SLC37A1: variants seen among roughly 807,000 people sequenced by gnomAD.
SLC37A1 encodes glucose-6-phosphate exchanger SLC37A1.
Under a neutral mutation model 75.3 loss-of-function variants are expected in SLC37A1, and 49 were observed. The observed-to-expected ratio is 0.65, with a 90% CI of 0.52 to 0.83. The LOEUF is 0.83. Ranked by LOEUF, SLC37A1 falls within the 40% of genes least tolerant of loss-of-function variation. The probability of loss-of-function intolerance (pLI) is 0.00; values close to 1 mark genes in which losing one functional copy is unlikely to be tolerated. For synonymous variants in SLC37A1, 268 were observed against 292.1 expected (o/e 0.92, Z 0.84); for missense variants, 566 against 695.0 (o/e 0.81, Z 2.09).
chr21:42,539,232 C>G (rs1165165111), intron 5 of SLC37A1, among the ~76,000 whole-genome samples: 1 of 152,202 alleles, frequency 6.6e-6, no homozygotes, highest in Non-Finnish European at 1.5e-5. Context: ...CTTTCATTGG[C>G]AGCTATCATA....
Position 42,568,443 on chromosome 21 carries a change from G to T in SLC37A1, c.1423+5G>T. 6.2e-7 allele frequency: 1 copy of T among 1,613,248 alleles called. No homozygotes were observed. Among genetic ancestry groups the T allele is most frequent in the Non-Finnish European group, 8.5e-7 (1 of 1,179,544 alleles). On this transcript the variant is annotated splice_donor_5th_base_variant and intron_variant, in intron 17 of 19. Transcript: ENST00000352133. ...TTGACGGGACGGGCTCTGTAGGTGC[G>T]CAGAGAGTTTTAGCTCTGGGAGGTT...
At position 42,543,467 on chromosome 21, in the gene SLC37A1, C is replaced by CA. The variant is rs758315999; in HGVS notation, c.596dup (p.His199GlnfsTer45). The CA allele has an allele frequency of 3.7e-6, 6 of 1,614,180 alleles. No individual in the cohort carries two copies. The highest frequency in any genetic ancestry group is 4.2e-6 in the Non-Finnish European group (5 of 1,180,030). On this transcript the variant is annotated frameshift_variant, in exon 8 of 20. Coordinates refer to ENST00000352133, the MANE Select transcript of SLC37A1 (RefSeq NM_001320537.2). LOFTEE classifies it high-confidence loss of function. ...TTTGATTATGGGGGTCTGGAACTCC[C>CA]ACACCTCCGTGGGCAACATCTTGGG...
chr21:42,555,613 T>C (rs2055669253), intron 10 of SLC37A1, among the ~76,000 whole-genome samples: 1 of 149,726 alleles, frequency 6.7e-6, no homozygotes, highest in Non-Finnish European at 1.5e-5. Flanking sequence ...TGTCCCAGTG[T>C]CCAAAAGGCT....
At chr21:42,510,560 A>T (rs2054423800), upstream of SLC37A1, among the ~76,000 whole-genome samples, 1 of 152,186 alleles carries the variant, frequency 6.6e-6, no homozygotes, top group Admixed American at 6.5e-5. Context: ...AAATTCTGCA[A>T]TCAAAAGATA....
chr21:42,520,209 A>G (rs1040075456), intron 2 of SLC37A1, among the ~76,000 whole-genome samples: 2 of 152,236 alleles, frequency 1.3e-5, no homozygotes, highest in African/African-American at 2.4e-5. Flanking sequence ...TCAAATGTCA[A>G]ATATCTGTGA....
Position 42,530,481 on chromosome 21 carries a change from G to C in SLC37A1, c.139-4217G>C, listed in dbSNP as rs370704411. On this transcript the variant is annotated intron_variant, in intron 3 of 19. Coordinates refer to ENST00000352133, the MANE Select transcript of SLC37A1 (RefSeq NM_001320537.2). ...TCTTCCAGGACTTAGATAATGCTTT[G>C]GAGAATTCTTGTAGCCTTATAAAAG... Among the ~76,000 whole-genome samples the C allele has an allele frequency of 8.2e-4, 125 of 152,156 alleles. 3 individuals are homozygous for C. In the South Asian group the frequency reaches 0.023, roughly 28 times the overall value.
rs865828500 is a variant in SLC37A1, at chr21:42,548,873, G to C, written c.768+1733G>C. 3.3e-5 allele frequency among the ~76,000 whole-genome samples: 5 copies of C among 152,150 alleles called. No individual in the cohort carries two copies. Among genetic ancestry groups the C allele is most frequent in the Non-Finnish European group, 5.9e-5 (4 of 68,034 alleles). Reference sequence around the variant, plus strand: ...GGCAGCACCTGGCCTCGTGCGGGAGGGGGGCCAGAGTCCTTTTTCTGTCTT... The same window carrying C: ...GGCAGCACCTGGCCTCGTGCGGGAGCGGGGCCAGAGTCCTTTTTCTGTCTT... On this transcript the variant is annotated intron_variant, in intron 9 of 19. Coordinates refer to ENST00000352133, the MANE Select transcript of SLC37A1 (RefSeq NM_001320537.2). The surrounding 1 kb of genome is among the most constrained non-coding windows in gnomAD (Gnocchi z 5.6).
At chr21:42,517,412 G>A (rs886767700) in intron 1 of SLC37A1, among the ~76,000 whole-genome samples, 6 of 152,120 alleles carry the variant, frequency 3.9e-5, no homozygotes, top group African/African-American at 9.7e-5. Context: ...GATGAGGGGC[G>A]GCTCCTGGGA....
At chr21:42,519,955 A>G (rs1209908339) in intron 2 of SLC37A1, among the ~76,000 whole-genome samples, 4 of 142,618 alleles carry the variant, frequency 2.8e-5, no homozygotes, top group Non-Finnish European at 5.9e-5. Context: ...CTGCCCCTCC[A>G]CAGTGTGTTT....
intron 9 of SLC37A1, among the ~76,000 whole-genome samples, chr21:42,553,351 T>A (rs2055602929): frequency 6.6e-6 from 1 of 152,218 alleles, no homozygotes; most frequent in African/African-American, 2.4e-5. Flanking sequence ...AGGAAGTTTG[T>A]TTGGACTATT....
chr21:42,572,108 G>A (rs767780940), intron 17 of SLC37A1, among the ~76,000 whole-genome samples: 1 of 152,150 alleles, frequency 6.6e-6, no homozygotes, highest in Non-Finnish European at 1.5e-5. Context: ...TTCTGCTCTC[G>A]CCTGAGGCAA....
chr21:42,542,882 A>G (rs1435601881), intron 7 of SLC37A1, among the ~76,000 whole-genome samples: 1 of 152,280 alleles, frequency 6.6e-6, no homozygotes, highest in Non-Finnish European at 1.5e-5. Flanking sequence ...CAGCCTGGCG[A>G]GTCCAGATTT....
At chr21:42,542,776 G>A (rs921418689) in intron 7 of SLC37A1, among the ~76,000 whole-genome samples, 1 of 152,234 alleles carries the variant, frequency 6.6e-6, no homozygotes, top group Non-Finnish European at 1.5e-5. Context: ...CCTGCCCCAG[G>A]CCTTTTGAAG....
intron 2 of SLC37A1, among the ~76,000 whole-genome samples, chr21:42,508,008 A>G (rs985550972): frequency 3.0e-5 from 4 of 135,562 alleles, no homozygotes; most frequent in Admixed American, 1.4e-4. Context: ...TGTTTAGAAG[A>G]AAAGTACCAT....
At chr21:42,576,207 A>G (rs1333039849) in intron 18 of SLC37A1, among the ~76,000 whole-genome samples, 3 of 152,152 alleles carry the variant, frequency 2.0e-5, no homozygotes, top group African/African-American at 7.2e-5. Context: ...AGGACCCTCG[A>G]AGAGCCATGC....
rs2056116613 is a variant in SLC37A1, at chr21:42,570,231, A to C, written c.1423+1793A>C. ...AGCGGCAGGCAGGGTGGCCGTTGCC[A>C]TGTCATGTGACACACGGCCTGGTTC... On this transcript the variant is annotated intron_variant, in intron 17 of 19. Transcript: ENST00000352133. Among the ~76,000 whole-genome samples the C allele has an allele frequency of 3.5e-5, 2 of 57,948 alleles. 1 individual carries two copies. The highest frequency in any genetic ancestry group is 4.7e-4 in the Admixed American group (2 of 4,248). 38.0% of individuals were successfully genotyped at this position (57,948 alleles called of 152,430 possible).
chr21:42,544,973 T>C (rs940340142), intron 8 of SLC37A1, among the ~76,000 whole-genome samples: 2 of 152,110 alleles, frequency 1.3e-5, no homozygotes, highest in Admixed American at 6.5e-5. Flanking sequence ...GGGCTGGCTC[T>C]GGGGAGAAAA....
chr21:42,554,838 T>C (rs228088), intron 10 of SLC37A1, among the ~76,000 whole-genome samples: 123,498 of 152,154 alleles, frequency 0.81, 51,386 homozygotes, highest in African/African-American at 0.88. Flanking sequence ...TTCCCATCAT[T>C]GATCCTTGTA....
intron 18 of SLC37A1, among the ~76,000 whole-genome samples, chr21:42,578,007 T>C (rs2056343135): frequency 6.6e-6 from 1 of 152,114 alleles, no homozygotes; most frequent in Non-Finnish European, 1.5e-5. Context: ...TGAGCTTGAG[T>C]TGGGCTTTTC....
Sources: allele counts gnomAD v4.1 joint callset (sites outside exome capture counted in the v4.1 genomes callset), GRCh38; gene constraint gnomAD v4.1.1; non-coding constraint Gnocchi (gnomAD v3.1); transcripts MANE v1.5; gene names NCBI Gene and HGNC (gene_info 2026-07-23, HGNC 2026-07-21).